FBN2: variants seen among roughly 807,000 people sequenced by gnomAD.
The protein encoded by FBN2 is fibrillin-2.
FBN2 carries 105 observed loss-of-function variants against 355.6 expected under a neutral mutation model. That is an observed-to-expected ratio of 0.30 (90% CI 0.25 to 0.35). The LOEUF is 0.35. FBN2 is among the 10% of genes least tolerant of loss of function. FBN2 has a pLI of 1.00. For synonymous variants in FBN2, 1,350 were observed against 1,301.2 expected (o/e 1.04, Z -0.81); for missense variants, 3,280 against 3,758.7 (o/e 0.87, Z 3.33).
intron 6 of FBN2, among the ~76,000 whole-genome samples, chr5:128,449,067 A>C (rs886263991): frequency 4.0e-5 from 6 of 151,882 alleles, no homozygotes; most frequent in Non-Finnish European, 8.8e-5. Flanking sequence ...GAAAATGAAA[A>C]GCAGTAGGAA....
At chr5:128,358,323 T>C (rs1751556020) in intron 19 of FBN2, among the ~76,000 whole-genome samples, 1 of 152,134 alleles carries the variant, frequency 6.6e-6, no homozygotes, top group South Asian at 2.1e-4. Flanking sequence ...CCTTCTCTAC[T>C]AAATTATCTG....
In FBN2 at chr5:128,349,376, G is replaced by C. The variant is rs753482534; in HGVS notation, c.2960C>G (p.Thr987Arg). 3 of 1,614,074 alleles carry C rather than the reference G, an allele frequency of 1.9e-6. No homozygotes were observed. The highest frequency in any genetic ancestry group is 2.2e-5 in the South Asian group (2 of 91,076). Reference sequence around the variant, plus strand: ...ACATACACGGCCAGTCCCATCCAACGTAAGGCCTTCAGGGCACTCGCAATG... The same window carrying C: ...ACATACACGGCCAGTCCCATCCAACCTAAGGCCTTCAGGGCACTCGCAATG... ...SFHCECPEGL[T>R]LDGTGRVCLD... Residue 987 changes from threonine to arginine, a missense_variant, in exon 23 of 65, where the codon ACG (threonine) becomes AGG (arginine). By Grantham distance (71) the Thr-to-Arg change is moderately conservative. Around this residue, in one of 6 missense-constraint regions of FBN2, gnomAD observed 2,284 missense variants for 2,749.5 expected, o/e 0.83. Transcript: ENST00000262464.
At chr5:128,278,038 T>C (rs1163452280) in intron 57 of FBN2, 33 bp from the exon 58 acceptor site, 3 of 1,611,794 alleles carry the variant, frequency 1.9e-6, no homozygotes, top group Non-Finnish European at 2.5e-6. Flanking sequence ...CAATCAGGAG[T>C]TAACATATAT....
intron 18 of FBN2, 129 bp downstream of exon 18, chr5:128,364,471 G>T: frequency 1.1e-6 from 1 of 944,188 alleles, no homozygotes; most frequent in Non-Finnish European, 1.6e-6. Flanking sequence ...TCCTGTCAAT[G>T]TGTAATATGA....
Position 128,327,645 on chromosome 5 carries a change from GT to G in FBN2, c.4471+1050del, listed in dbSNP as rs1186219055. ...TGTTGGTTTGTTTGTTTTTGTTTTT[GT>G]TTTTTTTTTTAGACTGAGTTTCGCT... On this transcript the variant is annotated intron_variant, in intron 34 of 64. Transcript: ENST00000262464. 2.6e-4 allele frequency among the ~76,000 whole-genome samples: 35 copies of G among 134,020 alleles called. 1 individual carries two copies. The highest frequency in any genetic ancestry group is 4.8e-4 in the South Asian group (2 of 4,134). 87.9% of individuals were successfully genotyped at this position (134,020 alleles called of 152,430 possible).
intron 11 of FBN2, among the ~76,000 whole-genome samples, chr5:128,388,514 C>A (rs989100923): frequency 6.6e-6 from 1 of 152,170 alleles, no homozygotes. Flanking sequence ...CCTCAAGGAC[C>A]TCTTGGTAAG....
At chr5:128,530,965 T>C (rs1419597116) in intron 2 of FBN2, among the ~76,000 whole-genome samples, 1 of 152,126 alleles carries the variant, frequency 6.6e-6, no homozygotes, top group Admixed American at 6.6e-5. Flanking sequence ...ATAGTGGCTG[T>C]AAAAGTAGAA....
chr5:128,346,173 C>A (rs1481776364), intron 23 of FBN2, among the ~76,000 whole-genome samples: 1 of 152,064 alleles, frequency 6.6e-6, no homozygotes, highest in African/African-American at 2.4e-5. Flanking sequence ...ATTTTCCCTC[C>A]AACTTCAAAA....
intron 5 of FBN2, among the ~76,000 whole-genome samples, chr5:128,515,742 T>C (rs1188855370): frequency 6.6e-6 from 1 of 152,104 alleles, no homozygotes; most frequent in Non-Finnish European, 1.5e-5. Context: ...CATTTTTCTT[T>C]AAAATGTCAA....
At chr5:128,435,121 C>A (rs1296635707) in intron 7 of FBN2, among the ~76,000 whole-genome samples, 1 of 152,122 alleles carries the variant, frequency 6.6e-6, no homozygotes, top group East Asian at 1.9e-4. Context: ...AGTGCAATTT[C>A]CTGACCACTG....
rs144505094 is a variant in FBN2 at position 128,335,235 on chromosome 5, G to A, written c.3908C>T (p.Pro1303Leu). 14 of 1,613,990 alleles carry A rather than the reference G, an allele frequency of 8.7e-6. No individual in the cohort carries two copies. The African/African-American group carries it at 1.9e-4, about 22-fold the overall frequency. The change falls in exon 30 of 65, where the codon CCT becomes CTT. Residue 1303 changes from proline (P) to leucine (L), a missense_variant. Physicochemically the swap from Pro to Leu is moderately conservative, Grantham distance 98 (BLOSUM62 -3). This residue lies in a region of FBN2 where 2,284 missense variants were observed against 2,749.5 expected (regional missense o/e 0.83). Transcript: ENST00000262464. ...ICDGGQCTNI[P>L]GEYRCLCYDG... ...ATAGCAGAGGCAGCGATACTCTCCA[G>A]GAATGTTGGTACACTGGCCGCCATC...
rs758266763 is a variant in FBN2, at chr5:128,276,112, T to C, written c.7520A>G (p.Lys2507Arg). 2 of 1,613,394 alleles carry C rather than the reference T, an allele frequency of 1.2e-6. No homozygotes were observed. Among genetic ancestry groups the C allele is most frequent in the East Asian group, 2.2e-5 (1 of 44,870 alleles). The change falls in exon 59 of 65, where the codon AAG becomes AGG. Residue 2507 changes from lysine (K) to arginine (R), a missense_variant. Physicochemically the swap from Lys to Arg is conservative, Grantham distance 26. Transcript: ENST00000262464. ...QSPKPCNYICKNTEGSYQCSC... is the reference protein window; with the variant it reads ...QSPKPCNYICRNTEGSYQCSC... ...ACACTGATAACTCCCCTCAGTGTTCTTGCAGATGTAGTTGCATGGTTTCGG... is the reference window on the plus strand; with the variant it reads ...ACACTGATAACTCCCCTCAGTGTTCCTGCAGATGTAGTTGCATGGTTTCGG...
chr5:128,290,193 A>T (rs1204860065), intron 50 of FBN2, among the ~76,000 whole-genome samples: 1 of 152,226 alleles, frequency 6.6e-6, no homozygotes, highest in East Asian at 1.9e-4. Flanking sequence ...GAGCAGCTAA[A>T]GAGAACTTCC....
chr5:128,537,786 G>A lies in FBN2; in HGVS notation c.-183C>T, dbSNP rs1581380771. The A allele has an allele frequency of 2.2e-5, 14 of 643,918 alleles. No homozygotes were observed. The East Asian group carries it at 3.3e-4, about 15-fold the overall frequency. The allele number at this position is 643,918 out of a possible 1,614,324, so 39.9% of individuals were successfully genotyped here. A position where few individuals can be genotyped will look rare whatever the true frequency, so the allele number is the denominator to read the frequency against. On this transcript the variant is annotated 5_prime_UTR_variant, in exon 1 of 65. Coordinates refer to ENST00000262464, the MANE Select transcript of FBN2 (RefSeq NM_001999.4). ...CAGAGCGCCGGCCCCCTGACTGCCC[G>A]CGAAGCGAGACGCGGGGCGCCGGGT...
chr5:128,301,270 C>T (rs1240173826), intron 47 of FBN2, 112 bp downstream of exon 47: 1 of 1,021,456 alleles, frequency 9.8e-7, no homozygotes, highest in African/African-American at 1.6e-5. Context: ...TGGTCATGTG[C>T]TCTGATGATT....
At chr5:128,276,967 T>C (rs1268306622) in intron 58 of FBN2, among the ~76,000 whole-genome samples, 1 of 152,146 alleles carries the variant, frequency 6.6e-6, no homozygotes, top group Non-Finnish European at 1.5e-5. Flanking sequence ...TCTTTCCTAC[T>C]CGGACTCTGA....
rs1236374284 is a variant in FBN2, at chr5:128,301,402, G to A, written c.6026C>T (p.Pro2009Leu). The change falls in exon 47 of 65, where the codon CCA becomes CTA. Residue 2009 changes from proline (P) to leucine (L), a missense_variant. By Grantham distance (98) the Pro-to-Leu change is moderately conservative. Coordinates refer to ENST00000262464, the MANE Select transcript of FBN2 (RefSeq NM_001999.4). The part of the protein sequence containing the change: ...CLCNEGYELT[P>L]DGKNCIDTNE... ...CTTACCTATACAGTTTTTGCCATCT[G>A]GGGTAAGTTCATAACCTTCGTTACA... The A allele has an allele frequency of 2.5e-6, 4 of 1,613,194 alleles. No individual in the cohort carries two copies. The highest frequency in any genetic ancestry group is 3.4e-6 in the Non-Finnish European group (4 of 1,179,400).
intron 7 of FBN2, among the ~76,000 whole-genome samples, chr5:128,411,249 T>C (rs1753054297): frequency 6.6e-6 from 1 of 152,340 alleles, no homozygotes; most frequent in South Asian, 2.1e-4. Flanking sequence ...AGAAGGTGTG[T>C]GTTACAAACA....
chr5:128,401,720 G>A (rs1170738766), intron 8 of FBN2, among the ~76,000 whole-genome samples: 1 of 152,134 alleles, frequency 6.6e-6, no homozygotes, highest in Non-Finnish European at 1.5e-5. Context: ...GGTGGAGCTT[G>A]CAGTGAGCCG....
Sources: gnomAD v4.1 joint callset for allele counts (sites outside exome capture counted in the v4.1 genomes callset) on GRCh38, gnomAD v4.1.1 for gene constraint, gnomAD v4.1.1 regional missense constraint, MANE v1.5 for transcripts, NCBI Gene and HGNC (gene_info 2026-07-23, HGNC 2026-07-21) for gene names.